Variants in GPLD1 observed in about 807,000 individuals in gnomAD.
GPLD1 encodes the protein phosphatidylinositol-glycan-specific phospholipase D.
A neutral mutation model predicts 112.6 loss-of-function variants in GPLD1; 84 were observed. The observed-to-expected ratio is 0.75, with a 90% CI of 0.63 to 0.89. The LOEUF is 0.89. GPLD1 is among the 40% of genes least tolerant of loss of function. GPLD1 has a pLI of 0.00. For synonymous variants in GPLD1, 386 were observed against 403.8 expected (o/e 0.96, Z 0.53); for missense variants, 1,044 against 1,051.5 (o/e 0.99, Z 0.10).
intron 5 of GPLD1, among the ~76,000 whole-genome samples, chr6:24,474,663 C>T (rs368228492): frequency 2.0e-5 from 3 of 152,048 alleles, no homozygotes; most frequent in East Asian, 3.9e-4. Context: ...TGAATTGGAC[C>T]GGGCGCGGTG....
At position 24,440,349 on chromosome 6, in the gene GPLD1, C is replaced by T. The variant is rs192632043; in HGVS notation, c.2021-3060G>A. 5.3e-5 allele frequency among the ~76,000 whole-genome samples: 8 copies of T among 152,154 alleles called. No individual in the cohort carries two copies. In the East Asian group the frequency reaches 9.7e-4, roughly 18 times the overall value. The stretch of plus-strand genomic sequence containing the variant: ...TCTGACCTACTCAAGAGGCTTGAGG[C>T]GGCAGGATCGCTTGACCTCAGGTGT... On this transcript the variant is annotated intron_variant, in intron 20 of 24. Coordinates refer to ENST00000230036, the MANE Select transcript of GPLD1 (RefSeq NM_001503.4).
intron 1 of GPLD1, 120 bp downstream of exon 1, chr6:24,489,295 A>G (rs899322903): frequency 3.4e-5 from 25 of 726,692 alleles, no homozygotes; most frequent in Non-Finnish European, 5.2e-5. Context: ...CTGTCAGGCC[A>G]CTCAGCTCAG....
chr6:24,474,202 CACACAT>C (rs760759456), intron 5 of GPLD1, among the ~76,000 whole-genome samples: 4 of 104,338 alleles, frequency 3.8e-5, no homozygotes, highest in Admixed American at 1.9e-4. Context: ...CACACACACA[CACACAT>C]ATATATGCAG....
intron 1 of GPLD1, 87 bp from the exon 2 acceptor site, chr6:24,486,217 C>A: frequency 2.4e-6 from 2 of 850,196 alleles, no homozygotes; most frequent in Non-Finnish European, 3.9e-6. Flanking sequence ...GAAAAATACA[C>A]AATTTGTGGT....
At chr6:24,436,250 C>T (rs1298295582) in intron 22 of GPLD1, among the ~76,000 whole-genome samples, 2 of 152,140 alleles carry the variant, frequency 1.3e-5, no homozygotes, top group South Asian at 2.1e-4. Flanking sequence ...AACAGGAACC[C>T]GTCTCTATTT....
At position 24,462,787 on chromosome 6, in the gene GPLD1, T is replaced by C. The variant is rs1273734441; in HGVS notation, c.830A>G (p.Asn277Ser). The C allele has an allele frequency of 6.2e-7, 1 of 1,611,918 alleles. No homozygotes were observed. The highest frequency in any genetic ancestry group is 1.1e-5 in the South Asian group (1 of 91,018). ...AATGAACAGAGGGTTCTCAGGCAGG[T>C]TGCAGTCACTGAGGAAACAGTCAAA... ...FMLENGTSDC[N>S]LPENPLFIAC... Residue 277 changes from asparagine to serine, a missense_variant, in exon 11 of 25, where the codon AAC (asparagine) becomes AGC (serine). Asn to Ser is a conservative substitution (Grantham distance 46). Transcript: ENST00000230036.
At chr6:24,473,922 C>T (rs1763913582) in intron 5 of GPLD1, among the ~76,000 whole-genome samples, 1 of 152,020 alleles carries the variant, frequency 6.6e-6, no homozygotes, top group South Asian at 2.1e-4. Context: ...GTCAGGAGTT[C>T]AAGACCAGCC....
chr6:24,458,328 T>C (rs139703241), intron 12 of GPLD1, among the ~76,000 whole-genome samples: 259 of 152,232 alleles, frequency 1.7e-3, no homozygotes, highest in African/African-American at 5.9e-3. Flanking sequence ...ATAGATTGCT[T>C]CATCCTAAAG....
chr6:24,456,012 T>C (rs149984370), intron 13 of GPLD1, among the ~76,000 whole-genome samples: 127 of 152,076 alleles, frequency 8.4e-4, no homozygotes, highest in Middle Eastern at 3.4e-3. Context: ...CCATCTCTAG[T>C]ACAGAAAAAA....
chr6:24,467,387 A>G lies in GPLD1; in HGVS notation c.546-113T>C, dbSNP rs957787519. On this transcript the variant is annotated intron_variant, in intron 7 of 24. Transcript: ENST00000230036. ...GATTATTTTGTGCCAGGCACCATGT[A>G]AAAGTCTTTACATGCACCAGTTATT... 13 of 671,298 alleles carry G rather than the reference A, an allele frequency of 1.9e-5. No homozygotes were observed. The East Asian group carries it at 2.1e-4, about 11-fold the overall frequency. 41.6% of individuals were successfully genotyped at this position (671,298 alleles called of 1,614,324 possible). A position where few individuals can be genotyped will look rare whatever the true frequency, so the allele number is the denominator to read the frequency against.
chr6:24,489,454 TA>T lies in GPLD1; in HGVS notation c.57del (p.His19GlnfsTer12). The T allele has an allele frequency of 6.2e-7, 1 of 1,613,982 alleles. No homozygotes were observed. Among genetic ancestry groups the T allele is most frequent in the Middle Eastern group, 1.6e-4 (1 of 6,062 alleles). ...GLLIMLGSLCHRGSPCGLSTH... is the reference protein window; with the variant it reads ...GLLIMLGSLCXRGSPCGLSTH... ...GTTGAAAGGCCACACGGTGAACCTC[TA>T]TGGCAGAGAGAACCCAACATGATCA... is the stretch of plus-strand genomic sequence containing the variant. On this transcript the variant is annotated frameshift_variant, in exon 1 of 25. Transcript: ENST00000230036. LOFTEE classifies it high-confidence loss of function.
chr6:24,460,533 C>G, intron 11 of GPLD1, 134 bp from the exon 12 acceptor site: 1 of 855,078 alleles, frequency 1.2e-6, no homozygotes, highest in Non-Finnish European at 1.8e-6. Flanking sequence ...GCTGAAGGAG[C>G]AACACAGAAA....
At chr6:24,439,298 G>C (rs28706811) in intron 20 of GPLD1, among the ~76,000 whole-genome samples, 9,151 of 147,398 alleles carry the variant, frequency 0.062, 638 homozygotes, top group African/African-American at 0.17. Flanking sequence ...CCAAGGTCTA[G>C]CTTTCGGAGC....
upstream of GPLD1, among the ~76,000 whole-genome samples, chr6:24,492,307 C>T (rs1764576785): frequency 6.6e-6 from 1 of 151,912 alleles, no homozygotes; most frequent in Admixed American, 6.6e-5. Flanking sequence ...GAGTTCAAGA[C>T]CAGCCTGGCC....
intron 20 of GPLD1, among the ~76,000 whole-genome samples, chr6:24,438,094 G>A (rs142758738): frequency 2.0e-5 from 3 of 152,300 alleles, no homozygotes; most frequent in African/African-American, 7.2e-5. Context: ...GGGGACATGA[G>A]CTGTGCCCAG....
rs976384048 is a variant in GPLD1 at position 24,445,803 on chromosome 6, C to T, written c.1849G>A (p.Glu617Lys). The T allele has an allele frequency of 4.3e-6, 7 of 1,613,666 alleles. No homozygotes were observed. The highest frequency in any genetic ancestry group is 5.9e-6 in the Non-Finnish European group (7 of 1,179,746). ...RLGHLLHIRD[E>K]KKSLGRVYGY... ...TACACCCTCCCAAGGCTCTTTTTCT[C>T]ATCTCGGATGTGTAACAAATGGCCC... is the stretch of plus-strand genomic sequence containing the variant. Residue 617 changes from glutamate (E) to lysine (K), a missense_variant, in exon 19 of 25, where the codon GAG (glutamate) becomes AAG (lysine). Physicochemically the swap from Glu to Lys is moderately conservative, Grantham distance 56. Transcript: ENST00000230036.
chr6:24,444,352 A>G (rs561047657), intron 20 of GPLD1, among the ~76,000 whole-genome samples: 19 of 152,274 alleles, frequency 1.2e-4, no homozygotes, highest in African/African-American at 3.8e-4. Flanking sequence ...AGGCATGACA[A>G]TATCATATAT....
At position 24,466,656 on chromosome 6, in the gene GPLD1, A is replaced by T. The variant is rs1173090757; in HGVS notation, c.821+24T>A. ...GGTAAAAAGGCAGAGAGTGATTGGT[A>T]ATAGAAATGCAATATGAATTCACCT... On this transcript the variant is annotated intron_variant, in intron 10 of 24. Coordinates refer to ENST00000230036, the MANE Select transcript of GPLD1 (RefSeq NM_001503.4). 1.9e-6 allele frequency: 3 copies of T among 1,596,912 alleles called. No homozygotes were observed. The African/African-American group carries it at 4.0e-5, about 21-fold the overall frequency.
chr6:24,486,283 A>G (rs939256482), intron 1 of GPLD1, among the ~76,000 whole-genome samples, 153 bp from the exon 2 acceptor site: 2 of 152,254 alleles, frequency 1.3e-5, no homozygotes, highest in African/African-American at 4.8e-5. Flanking sequence ...GGCAATTTTC[A>G]TTAGGTATAG....
Sources: allele counts gnomAD v4.1 joint callset (sites outside exome capture counted in the v4.1 genomes callset), GRCh38; gene constraint gnomAD v4.1.1; transcripts MANE v1.5; gene names NCBI Gene and HGNC (gene_info 2026-07-23, HGNC 2026-07-21).